The following PAWR variants were observed in gnomAD, a reference collection of about 807,000 sequenced individuals.
PAWR encodes pro-apoptotic WT1 regulator.
PAWR carries 23 observed loss-of-function variants against 32.0 expected under a neutral mutation model. That is an observed-to-expected ratio of 0.72 (90% confidence interval 0.52 to 1.02). The LOEUF (loss-of-function observed/expected upper bound fraction) is 1.02, where lower values mean the gene tolerates loss of function less well. PAWR is among the 50% of genes least tolerant of loss of function. The pLI is 0.00. For missense variants in PAWR, 457 were observed against 437.7 expected (o/e 1.04, Z -0.39); for synonymous variants, 226 against 187.1 (o/e 1.21, Z -1.70).
rs1566011223 is a variant in PAWR, at chr12:79,632,362, T to TATA, written c.517-11156_517-11155insTAT. On this transcript the variant is annotated intron_variant, in intron 2 of 6. Transcript: ENST00000328827. ...ATATATATATATATATATATATATA[T>TATA]TTTTTTTTTTTTTTAGACAGGGTCT... Among the ~76,000 whole-genome samples, 17 of 49,856 alleles carry TATA rather than the reference T, an allele frequency of 3.4e-4. 1 individual carries two copies. Among genetic ancestry groups the TATA allele is most frequent in the African/African-American group, 1.2e-3 (6 of 4,846 alleles). The allele number at this position is 49,856 out of a possible 152,430, so 32.7% of individuals were successfully genotyped here. A position where few individuals can be genotyped will look rare whatever the true frequency, so the allele number is the denominator to read the frequency against.
chr12:79,661,867 T>C (rs1188788332), intron 2 of PAWR, among the ~76,000 whole-genome samples: 1 of 152,128 alleles, frequency 6.6e-6, no homozygotes, highest in Admixed American at 6.5e-5. Flanking sequence ...GGGTTACAGC[T>C]GCTTAATCAT....
chr12:79,628,246 T>C (rs376438651), intron 2 of PAWR, among the ~76,000 whole-genome samples: 23 of 152,278 alleles, frequency 1.5e-4, no homozygotes, highest in African/African-American at 5.5e-4. Flanking sequence ...ATAAAGATGT[T>C]CTTTGAAACC....
At chr12:79,613,450 T>G in intron 4 of PAWR, 125 bp downstream of exon 4, 1 of 468,038 alleles carries the variant, frequency 2.1e-6, no homozygotes, top group Non-Finnish European at 3.9e-6. Context: ...ATAATTTATT[T>G]TTAAGAGCAC....
chr12:79,671,186 C>T (rs919847473), intron 2 of PAWR, among the ~76,000 whole-genome samples: 4 of 148,958 alleles, frequency 2.7e-5, no homozygotes, highest in African/African-American at 9.8e-5. Flanking sequence ...TTAAATTCCA[C>T]TACAGCCTAA....
intron 6 of PAWR, among the ~76,000 whole-genome samples, chr12:79,592,895 G>A (rs1047106224): frequency 3.3e-5 from 5 of 152,108 alleles, no homozygotes; most frequent in African/African-American, 1.2e-4. Flanking sequence ...CAAGTGTATA[G>A]GCCAACTCTT....
Position 79,585,971 on chromosome 12 carries a change from AG to A in PAWR, c.*6635del, listed in dbSNP as rs748006550. 2.0e-5 allele frequency: 3 copies of A among 152,216 alleles called. No homozygotes were observed. Among genetic ancestry groups the A allele is most frequent in the Non-Finnish European group, 4.4e-5 (3 of 68,044 alleles). The allele number at this position is 152,216 out of a possible 1,614,324, so 9.4% of individuals were successfully genotyped here. A position where few individuals can be genotyped will look rare whatever the true frequency, so the allele number is the denominator to read the frequency against. ...CCTAGCCAGGCATATTGGTTTTAAA[AG>A]GGTTACAAGAAACAAGATGCACTTT... On this transcript the variant is annotated 3_prime_UTR_variant, in exon 7 of 7. Coordinates refer to ENST00000328827, the MANE Select transcript of PAWR (RefSeq NM_002583.4).
chr12:79,611,277 T>C (rs1874430401), intron 4 of PAWR, among the ~76,000 whole-genome samples: 2 of 147,040 alleles, frequency 1.4e-5, no homozygotes, highest in South Asian at 4.2e-4. Context: ...TAATATATAA[T>C]TTATATAAAA....
chr12:79,660,437 C>G (rs902596325), intron 2 of PAWR, among the ~76,000 whole-genome samples: 4 of 152,030 alleles, frequency 2.6e-5, no homozygotes, highest in African/African-American at 9.7e-5. Context: ...TTATAAGAAG[C>G]CTTCCAAATG....
intron 3 of PAWR, among the ~76,000 whole-genome samples, chr12:79,616,733 ACACT>A (rs1273770123): frequency 1.3e-5 from 2 of 152,034 alleles, no homozygotes; most frequent in East Asian, 1.9e-4. Context: ...TTTTTTTTAA[ACACT>A]CAGTCACTTA....
intron 2 of PAWR, among the ~76,000 whole-genome samples, chr12:79,645,179 C>CTTAA (rs1876516187): frequency 6.6e-6 from 1 of 152,000 alleles, no homozygotes; most frequent in Non-Finnish European, 1.5e-5. Context: ...ATGTTGGTTA[C>CTTAA]TTAAGAATGA....
chr12:79,603,665 C>CAATTTTTTTTTTTT (rs1565998443), intron 4 of PAWR: 1 of 141,468 alleles, frequency 7.1e-6, no homozygotes, highest in African/African-American at 2.6e-5. Flanking sequence ...CATCATTATG[C>CAATTTTTTTTTTTT]TATTTTTTTT....
intron 2 of PAWR, among the ~76,000 whole-genome samples, chr12:79,674,727 C>T (rs948322829): frequency 3.3e-5 from 5 of 151,832 alleles, no homozygotes; most frequent in African/African-American, 4.8e-5. Context: ...AAAAAATGAC[C>T]GCATTAAAAA....
intron 4 of PAWR, among the ~76,000 whole-genome samples, chr12:79,610,864 C>T (rs1441990798): frequency 6.8e-6 from 1 of 148,148 alleles, no homozygotes; most frequent in Non-Finnish European, 1.5e-5. Flanking sequence ...TCAGAAATTA[C>T]ATAACCCTCA....
chr12:79,685,130 C>T (rs958678026), intron 2 of PAWR, among the ~76,000 whole-genome samples: 2 of 152,190 alleles, frequency 1.3e-5, no homozygotes, highest in Non-Finnish European at 2.9e-5. Flanking sequence ...CCAGCTCAGA[C>T]AACTCAGTAC....
intron 2 of PAWR, among the ~76,000 whole-genome samples, chr12:79,640,477 A>AC (rs1206335525): frequency 1.3e-5 from 2 of 152,200 alleles, no homozygotes; most frequent in African/African-American, 4.8e-5. Context: ...ATAGTGGCTC[A>AC]CACTTATAAT....
chr12:79,651,834 A>G (rs1223372312), intron 2 of PAWR, among the ~76,000 whole-genome samples: 2 of 152,346 alleles, frequency 1.3e-5, no homozygotes, highest in East Asian at 3.9e-4. Context: ...AATCTAGGCC[A>G]TGAAAGAAAA....
Position 79,690,253 on chromosome 12 carries a change from AG to A in PAWR, c.-10del. 1 of 1,497,092 alleles carries A rather than the reference AG, an allele frequency of 6.7e-7. No individual in the cohort carries two copies. Among genetic ancestry groups the A allele is most frequent in the Non-Finnish European group, 8.9e-7 (1 of 1,127,888 alleles). 92.7% of individuals were successfully genotyped at this position (1,497,092 alleles called of 1,614,324 possible). On this transcript the variant is annotated 5_prime_UTR_variant, in exon 2 of 7. Coordinates refer to ENST00000328827, the MANE Select transcript of PAWR (RefSeq NM_002583.4). ...TAGCCACCGGTCGCCATATTCCCAA[AG>A]GGGCCGGTCGGGCTCTCACCTCAGG... is the stretch of plus-strand genomic sequence containing the variant.
chr12:79,638,892 A>T (rs1269783409), intron 2 of PAWR, among the ~76,000 whole-genome samples: 23 of 13,126 alleles, frequency 1.8e-3, no homozygotes, highest in African/African-American at 4.2e-3. Context: ...ATATATATAT[A>T]TATATTTTTT....
At chr12:79,666,572 T>C (rs1181526409) in intron 2 of PAWR, among the ~76,000 whole-genome samples, 1 of 152,148 alleles carries the variant, frequency 6.6e-6, no homozygotes. Flanking sequence ...ACATGATATG[T>C]AATATTACAA....
Sources: gnomAD v4.1 joint callset for allele counts (sites outside exome capture counted in the v4.1 genomes callset) on GRCh38, gnomAD v4.1.1 for gene constraint, MANE v1.5 for transcripts, NCBI Gene and HGNC (gene_info 2026-07-23, HGNC 2026-07-21) for gene names.